The following ZNF555 variants were observed in gnomAD, a reference collection of about 807,000 sequenced individuals.
ZNF555 encodes the protein zinc finger protein 555.
In ZNF555, 10 loss-of-function variants were observed where a neutral mutation model predicts 14.0. The observed-to-expected ratio is 0.72, with a 90% CI of 0.44 to 1.21. ZNF555 has a LOEUF of 1.21. ZNF555 is among the 50% of genes most tolerant of loss of function. The probability of loss-of-function intolerance (pLI) is 0.00; values close to 1 mark genes in which losing one functional copy is unlikely to be tolerated. For synonymous variants in ZNF555, 277 were observed against 262.4 expected (o/e 1.06, Z -0.54); for missense variants, 747 against 762.0 (o/e 0.98, Z 0.23).
At chr19:2,844,440 T>C (rs2087565449) in intron 1 of ZNF555, among the ~76,000 whole-genome samples, 1 of 151,318 alleles carries the variant, frequency 6.6e-6, no homozygotes, top group Non-Finnish European at 1.5e-5. Flanking sequence ...GGTTTTGCCA[T>C]GTTGGCCAGG....
Position 2,852,444 on chromosome 19 carries a change from A to G in ZNF555, c.379A>G (p.Ile127Val). The change falls in exon 4 of 4, where the codon ATT becomes GTT. Residue 127 changes from isoleucine (I) to valine (V), a missense_variant. Ile to Val is a conservative substitution (Grantham distance 29). Transcript: ENST00000334241. ...NDQCGEALSQ[I>V]PHLNLYKKIP... is the part of the protein sequence containing the mutation. The stretch of plus-strand genomic sequence containing the variant: ...TCAATGTGGAGAAGCCCTCAGCCAG[A>G]TTCCACATCTTAATCTGTACAAGAA... 1.2e-6 allele frequency: 2 copies of G among 1,614,212 alleles called. No homozygotes were observed. Among genetic ancestry groups the G allele is most frequent in the Non-Finnish European group, 1.7e-6 (2 of 1,180,042 alleles).
chr19:2,851,565 A>G lies in ZNF555; in HGVS notation c.228A>G (p.Arg76=). 6.2e-7 allele frequency: 1 copy of G among 1,612,964 alleles called. No homozygotes were observed. The highest frequency in any genetic ancestry group is 8.5e-7 in the Non-Finnish European group (1 of 1,179,756). Residue 76 remains arginine (R), a synonymous_variant, in exon 3 of 4, where the codon AGA becomes AGG. Transcript: ENST00000334241. The part of the protein sequence containing the change: ...PKESKIATFT[R]NVSWASVLGK... The stretch of plus-strand genomic sequence containing the variant: ...AATCTAAAATAGCCACGTTCACCAG[A>G]AATGTTTCCTGGGCCTCTGTTTTAG...
Position 2,856,640 on chromosome 19 carries a change from C to T in ZNF555, c.*2688C>T, listed in dbSNP as rs1320138554. The T allele has an allele frequency of 6.6e-6, 1 of 152,214 alleles. No homozygotes were observed. The highest frequency in any genetic ancestry group is 1.5e-5 in the Non-Finnish European group (1 of 68,046). The allele number at this position is 152,214 out of a possible 1,614,324, so 9.4% of individuals were successfully genotyped here. On this transcript the variant is annotated 3_prime_UTR_variant, in exon 4 of 4. Coordinates refer to ENST00000334241, the MANE Select transcript of ZNF555 (RefSeq NM_152791.5). ...TTGCTGTGTTGAGTTGAAGTTTGAA[C>T]ACATGATCAAGAAAGGGCTGTGGCT...
intron 1 of ZNF555, 96 bp from the exon 2 acceptor site, chr19:2,850,491 T>G (rs2087619333): frequency 5.3e-6 from 8 of 1,516,282 alleles, no homozygotes; most frequent in Non-Finnish European, 5.4e-6. Context: ...TGTCAGGGAA[T>G]CACAGAATCT....
rs943521806 is a variant in ZNF555 at position 2,855,007 on chromosome 19, C to G, written c.*1055C>G. 6.6e-6 allele frequency: 1 copy of G among 152,128 alleles called. No homozygotes were observed. The highest frequency in any genetic ancestry group is 1.5e-5 in the Non-Finnish European group (1 of 68,030). The allele number at this position is 152,128 out of a possible 1,614,324, so 9.4% of individuals were successfully genotyped here. A position where few individuals can be genotyped will look rare whatever the true frequency, so the allele number is the denominator to read the frequency against. ...TTAATACTTCCAGTGGCTCTGTGATCCTGATTCCACCACGAAAGCCACAGT... is the reference window on the plus strand; with the variant it reads ...TTAATACTTCCAGTGGCTCTGTGATGCTGATTCCACCACGAAAGCCACAGT... On this transcript the variant is annotated 3_prime_UTR_variant, in exon 4 of 4. Transcript: ENST00000334241.
chr19:2,841,551 A>C lies in ZNF555; in HGVS notation c.-22A>C, dbSNP rs1258552694. ...TCCTGTCGCGCTCACCTGCGCCGGT[A>C]GCGAAGAAATCGCCCCGGGACATGG... On this transcript the variant is annotated 5_prime_UTR_variant, in exon 1 of 4. Transcript: ENST00000334241. The C allele has an allele frequency of 7.1e-6, 11 of 1,544,578 alleles. No homozygotes were observed. The East Asian group carries it at 2.8e-4, about 39-fold the overall frequency.
In ZNF555 at chr19:2,853,823, C is replaced by T; in HGVS notation, c.1758C>T (p.His586=). The T allele has an allele frequency of 6.2e-7, 1 of 1,613,678 alleles. No homozygotes were observed. Among genetic ancestry groups the T allele is most frequent in the East Asian group, 2.2e-5 (1 of 44,876 alleles). The change falls in exon 4 of 4, where the codon CAC becomes CAT. Residue 586 remains histidine (H), a synonymous_variant. Coordinates refer to ENST00000334241, the MANE Select transcript of ZNF555 (RefSeq NM_152791.5). The part of the protein sequence containing the change: ...SSSLRRHVRI[H]TTEKQYKCNV... ...CCTTAAGGCGACATGTGAGAATACA[C>T]ACTACAGAAAAACAGTATAAGTGTA...
At chr19:2,850,051 C>T (rs1428793775) in intron 1 of ZNF555, among the ~76,000 whole-genome samples, 1 of 152,200 alleles carries the variant, frequency 6.6e-6, no homozygotes, top group Non-Finnish European at 1.5e-5. Flanking sequence ...AAAATCAATA[C>T]TTCTCAAAAG....
At chr19:2,847,343 A>T (rs1035202281) in intron 1 of ZNF555, 2 of 152,110 alleles carry the variant, frequency 1.3e-5, no homozygotes, top group Non-Finnish European at 2.9e-5. Flanking sequence ...TTATAAAGAC[A>T]CCAGTCAGCG....
rs2087654825 is a variant in ZNF555 at position 2,853,456 on chromosome 19, C to G, written c.1391C>G (p.Ser464Cys). ...CAGTGTGGGAAAGCCTTCAGCTTGT[C>G]TGCTTGCTTTCGAGAACATGTGAGA... ...CKQCGKAFSL[S>C]ACFREHVRMH... is the part of the protein sequence containing the mutation. The change falls in exon 4 of 4, where the codon TCT (serine) becomes TGT (cysteine). Residue 464 changes from serine to cysteine, a missense_variant. By Grantham distance (112) the Ser-to-Cys change is moderately radical. Coordinates refer to ENST00000334241, the MANE Select transcript of ZNF555 (RefSeq NM_152791.5). The G allele has an allele frequency of 6.2e-7, 1 of 1,614,070 alleles. No individual in the cohort carries two copies. The highest frequency in any genetic ancestry group is 1.1e-5 in the South Asian group (1 of 91,084).
Position 2,850,614 on chromosome 19 carries a change from G to C in ZNF555, c.31G>C (p.Val11Leu). 6.2e-7 allele frequency: 1 copy of C among 1,613,968 alleles called. No individual in the cohort carries two copies. Among genetic ancestry groups the C allele is most frequent in the Non-Finnish European group, 8.5e-7 (1 of 1,179,854 alleles). ...CTCAGTGGTCTTTGAGGATGTGGCTGTGGACTTCACCCTGGAGGAGTGGGC... is the reference window on the plus strand; with the variant it reads ...CTCAGTGGTCTTTGAGGATGTGGCTCTGGACTTCACCCTGGAGGAGTGGGC... MDSVVFEDVA[V>L]DFTLEEWALL... is the part of the protein sequence containing the mutation. The change falls in exon 2 of 4, where the codon GTG (valine) becomes CTG (leucine). Residue 11 changes from valine (V) to leucine (L), a missense_variant. Coordinates refer to ENST00000334241, the MANE Select transcript of ZNF555 (RefSeq NM_152791.5).
Position 2,852,665 on chromosome 19 carries a change from T to C in ZNF555, c.600T>C (p.Tyr200=), listed in dbSNP as rs1378020630. The stretch of plus-strand genomic sequence containing the variant: ...GAACCCACAATGGAGAGAGACCCTA[T>C]GTGTGTAAATTATGTGGGAAAACCT... The part of the protein sequence containing the change: ...HVRTHNGERP[Y]VCKLCGKTFP... Residue 200 remains tyrosine, a synonymous_variant, in exon 4 of 4, where the codon TAT becomes TAC. Transcript: ENST00000334241. 5 of 1,614,088 alleles carry C rather than the reference T, an allele frequency of 3.1e-6. No homozygotes were observed. Among genetic ancestry groups the C allele is most frequent in the South Asian group, 1.1e-5 (1 of 91,088 alleles).
At position 2,858,021 on chromosome 19, in the gene ZNF555, T is replaced by C. The variant is rs116651407; in HGVS notation, c.*4069T>C. On this transcript the variant is annotated 3_prime_UTR_variant, in exon 4 of 4. Transcript: ENST00000334241. ...CTGGGCAACATAGCGAGACCTCAAC[T>C]CTACCAAAAAATTAAAAAGTGAGCC... 8.9e-3 allele frequency: 1,360 copies of C among 152,310 alleles called. 27 individuals carry two copies. Among genetic ancestry groups the C allele is most frequent in the African/African-American group, 0.031 (1,298 of 41,388 alleles). The allele number at this position is 152,310 out of a possible 1,614,324, so 9.4% of individuals were successfully genotyped here.
chr19:2,853,910 G>A lies in ZNF555; in HGVS notation c.1845G>A (p.Glu615=), dbSNP rs1194438972. 2 of 1,613,902 alleles carry A rather than the reference G, an allele frequency of 1.2e-6. No homozygotes were observed. Among genetic ancestry groups the A allele is most frequent in the Non-Finnish European group, 1.7e-6 (2 of 1,180,036 alleles). The part of the protein sequence containing the change: ...MCSASEKSHQ[E]RDLIKVVNMV... ...GTGCTTCAGAAAAGTCACACCAGGA[G>A]AGAGATCTGATCAAAGTTGTAAATA... Residue 615 remains glutamate (E), a synonymous_variant, in exon 4 of 4, where the codon GAG becomes GAA. Transcript: ENST00000334241.
In ZNF555 at chr19:2,852,094, G is replaced by T. The variant is rs60749780; in HGVS notation, c.315-286G>T. 5.5e-3 allele frequency among the ~76,000 whole-genome samples: 829 copies of T among 151,784 alleles called. 10 individuals carry two copies. Among genetic ancestry groups the T allele is most frequent in the African/African-American group, 0.019 (792 of 41,332 alleles). On this transcript the variant is annotated intron_variant, in intron 3 of 3. Transcript: ENST00000334241. ...ACCCAGGAGGCAGAGGTTGCAGTGA[G>T]CTAAGACTGCACCACTGCACTCCAG...
At position 2,853,015 on chromosome 19, in the gene ZNF555, G is replaced by A; in HGVS notation, c.950G>A (p.Cys317Tyr). The A allele has an allele frequency of 1.2e-6, 2 of 1,614,214 alleles. No homozygotes were observed. Among genetic ancestry groups the A allele is most frequent in the Non-Finnish European group, 1.7e-6 (2 of 1,180,046 alleles). The change falls in exon 4 of 4, where the codon TGT becomes TAT. Residue 317 changes from cysteine to tyrosine, a missense_variant. Coordinates refer to ENST00000334241, the MANE Select transcript of ZNF555 (RefSeq NM_152791.5). ...GAGAAGCCACATAAATGTAAAGAAT[G>A]TGGGGAGGCCTTCAGTTATTCTTCG... Reference protein sequence around the residue: ...TGEKPHKCKECGEAFSYSSAF... With the variant: ...TGEKPHKCKEYGEAFSYSSAF...
chr19:2,853,535 T>C lies in ZNF555; in HGVS notation c.1470T>C (p.Tyr490=). ...GCAAGCTATGTGGGAAAGCTTTCTA[T>C]TGCCACATATCCTTACAAAAACATA... ...YECKLCGKAF[Y]CHISLQKHMR... is the part of the protein sequence containing the mutation. The change falls in exon 4 of 4, where the codon TAT becomes TAC. Residue 490 remains tyrosine (Y), a synonymous_variant. Coordinates refer to ENST00000334241, the MANE Select transcript of ZNF555 (RefSeq NM_152791.5). 1.2e-6 allele frequency: 2 copies of C among 1,611,168 alleles called. No homozygotes were observed. Among genetic ancestry groups the C allele is most frequent in the Non-Finnish European group, 1.7e-6 (2 of 1,177,780 alleles).
In ZNF555 at chr19:2,859,181, G is replaced by C. The variant is rs1309822828; in HGVS notation, c.*5229G>C. The C allele has an allele frequency of 1.3e-5, 2 of 152,254 alleles. No homozygotes were observed. Among genetic ancestry groups the C allele is most frequent in the African/African-American group, 4.8e-5 (2 of 41,456 alleles). 9.4% of individuals were successfully genotyped at this position (152,254 alleles called of 1,614,324 possible). ...GTCTAAAAGAGCTGTGCTTTGTTGG[G>C]GCTATCTGGGAGTTTCCGCCTTCCA... On this transcript the variant is annotated 3_prime_UTR_variant, in exon 4 of 4. Coordinates refer to ENST00000334241, the MANE Select transcript of ZNF555 (RefSeq NM_152791.5).
chr19:2,850,999 AT>A (rs10713167), intron 2 of ZNF555, among the ~76,000 whole-genome samples: 52,295 of 136,372 alleles, frequency 0.38, 9,317 homozygotes, highest in East Asian at 0.64. Flanking sequence ...TGAAAATTTG[AT>A]TTTTTTTTTT....
Sources: allele counts gnomAD v4.1 joint callset (sites outside exome capture counted in the v4.1 genomes callset), GRCh38; gene constraint gnomAD v4.1.1; transcripts MANE v1.5; gene names NCBI Gene and HGNC (gene_info 2026-07-23, HGNC 2026-07-21).